The following NRAP variants were observed in gnomAD, a reference collection of about 807,000 sequenced individuals.
The protein encoded by NRAP is nebulin-related-anchoring protein.
In NRAP, 189 loss-of-function variants were observed where a neutral mutation model predicts 225.9. The observed-to-expected ratio is 0.84, with a 90% CI of 0.74 to 0.94. The LOEUF is 0.94. Ranked by LOEUF, NRAP falls within the 40% of genes least tolerant of loss-of-function variation. The pLI, the probability that NRAP is intolerant of heterozygous loss-of-function variation, is 0.00. For missense variants in NRAP, 2,176 were observed against 2,168.7 expected (o/e 1.00, Z -0.07); for synonymous variants, 769 against 790.7 (o/e 0.97, Z 0.46).
chr10:113,605,735 G>C, intron 34 of NRAP, 27 bp downstream of exon 34: 1 of 1,434,048 alleles, frequency 7.0e-7, no homozygotes, highest in Non-Finnish European at 9.8e-7. Context: ...AATTAGGCAA[G>C]ATGGAAGGTC....
chr10:113,591,397 T>C (rs1431266531), intron 39 of NRAP, among the ~76,000 whole-genome samples: 3 of 152,366 alleles, frequency 2.0e-5, no homozygotes, highest in Admixed American at 6.5e-5. Context: ...TATGGTCCTA[T>C]TGCATGTGGC....
intron 14 of NRAP, among the ~76,000 whole-genome samples, chr10:113,639,361 C>T (rs1849067650): frequency 6.6e-6 from 1 of 152,188 alleles, no homozygotes. Context: ...ACTGCCCCAA[C>T]TCTGAGCAAG....
intron 39 of NRAP, 103 bp downstream of exon 39, chr10:113,592,091 G>A (rs1370319638): frequency 8.6e-6 from 5 of 580,384 alleles, no homozygotes; most frequent in African/African-American, 1.9e-5. Flanking sequence ...GGTGCAGAGA[G>A]AGAGATAATC....
intron 11 of NRAP, among the ~76,000 whole-genome samples, chr10:113,645,202 G>A (rs1014845453): frequency 6.6e-6 from 1 of 152,186 alleles, no homozygotes; most frequent in African/African-American, 2.4e-5. Context: ...TTAAAAAGAT[G>A]GATCCTCCAG....
At chr10:113,625,978 G>A (rs1349676092) in intron 21 of NRAP, 69 bp downstream of exon 21, 7 of 1,076,170 alleles carry the variant, frequency 6.5e-6, no homozygotes, top group Non-Finnish European at 9.3e-6. Context: ...GGCACCTGCT[G>A]TTGTCCCTGG....
At chr10:113,640,204 A>G (rs778487099) in intron 14 of NRAP, 23 bp downstream of exon 14, 9 of 1,373,306 alleles carry the variant, frequency 6.6e-6, no homozygotes, top group Non-Finnish European at 9.2e-6. Context: ...CAAAGCAGAA[A>G]GAGCTGTTGG....
intron 26 of NRAP, among the ~76,000 whole-genome samples, chr10:113,617,180 C>T (rs1048342199): frequency 1.1e-4 from 17 of 152,226 alleles, no homozygotes; most frequent in East Asian, 3.9e-4. Flanking sequence ...AGCCTCACCA[C>T]GAATGAATCG....
At chr10:113,619,307 C>T (rs960619957) in intron 25 of NRAP, among the ~76,000 whole-genome samples, 6 of 152,170 alleles carry the variant, frequency 3.9e-5, no homozygotes, top group African/African-American at 1.4e-4. Flanking sequence ...CATGAATCCT[C>T]AAACCTAAAT....
rs113400260 is a variant in NRAP, at chr10:113,611,355, T to C, written c.3499-792A>G. Among the ~76,000 whole-genome samples, 1,265 of 152,306 alleles carry C rather than the reference T, an allele frequency of 8.3e-3. 10 individuals carry two copies. Among genetic ancestry groups the C allele is most frequent in the Non-Finnish European group, 0.013 (896 of 68,024 alleles). On this transcript the variant is annotated intron_variant, in intron 30 of 41. Transcript: ENST00000359988. ...TGAGTGCCGCTCAGATCGCAGGCAC[T>C]GCCAAACCAGGAAAGAGGTTTTGTG...
In NRAP at chr10:113,615,798, C is replaced by G; in HGVS notation, c.2992G>C (p.Gly998Arg). Residue 998 changes from glycine to arginine, a missense_variant, in exon 27 of 42, where the codon GGA becomes CGA. This residue lies in a region of NRAP where 1,708 missense variants were observed against 1,695.5 expected (regional missense o/e 1.01). Coordinates refer to ENST00000359988, the MANE Select transcript of NRAP (RefSeq NM_198060.4). ...QAVDRLYREQ[G>R]ENIKHHYTPT... ...GTGTAATGATGCTTTATGTTTTCTCCTTGTTCCCTGTATAATCTCTGTGGA... is the reference window on the plus strand; with the variant it reads ...GTGTAATGATGCTTTATGTTTTCTCGTTGTTCCCTGTATAATCTCTGTGGA... The G allele has an allele frequency of 6.2e-7, 1 of 1,601,224 alleles. No individual in the cohort carries two copies. Among genetic ancestry groups the G allele is most frequent in the Non-Finnish European group, 8.6e-7 (1 of 1,168,280 alleles).
Position 113,588,793 on chromosome 10 carries a change from G to A in NRAP, c.*182C>T. On this transcript the variant is annotated 3_prime_UTR_variant, in exon 42 of 42. Coordinates refer to ENST00000359988, the MANE Select transcript of NRAP (RefSeq NM_198060.4). ...CAACAGAATCAGCCATCCACGTCTA[G>A]GTATCAGAGAGGACCACAAATACAA... is the stretch of plus-strand genomic sequence containing the variant. The A allele has an allele frequency of 1.7e-6, 1 of 603,018 alleles. No individual in the cohort carries two copies. Among genetic ancestry groups the A allele is most frequent in the South Asian group, 2.1e-5 (1 of 48,186 alleles). 37.4% of individuals were successfully genotyped at this position (603,018 alleles called of 1,614,324 possible). A position where few individuals can be genotyped will look rare whatever the true frequency, so the allele number is the denominator to read the frequency against.
In NRAP at chr10:113,610,474, C is replaced by T. The variant is rs1564712095; in HGVS notation, c.3588G>A (p.Ser1196=). The change falls in exon 31 of 42, where the codon TCG becomes TCA. Residue 1196 remains serine (S), a synonymous_variant. Coordinates refer to ENST00000359988, the MANE Select transcript of NRAP (RefSeq NM_198060.4). ...TLEIEGRKKA[S]ELISESKYRQ... ...CTGTAGTTACCTCACTGATGAGTTC[C>T]GATGCTTTCTTCCTCCCTTCAATCT... is the stretch of plus-strand genomic sequence containing the variant. 5.8e-6 allele frequency: 9 copies of T among 1,559,846 alleles called. No homozygotes were observed. The highest frequency in any genetic ancestry group is 2.7e-5 in the African/African-American group (2 of 74,148).
rs565512034 is a variant in NRAP, at chr10:113,615,615, C to G, written c.3078+97G>C. 6.7e-6 allele frequency: 5 copies of G among 743,776 alleles called. No homozygotes were observed. In the African/African-American group the frequency reaches 8.6e-5, roughly 13 times the overall value. 46.1% of individuals were successfully genotyped at this position (743,776 alleles called of 1,614,324 possible). ...AGGTGGTGATGGCAGAACATGAAAC[C>G]AGCTCAGGGGCTTCTGAGCACAGGG... On this transcript the variant is annotated intron_variant, in intron 27 of 41. Transcript: ENST00000359988.
intron 12 of NRAP, among the ~76,000 whole-genome samples, 185 bp downstream of exon 12, chr10:113,642,749 C>A (rs184475002): frequency 6.6e-6 from 1 of 152,182 alleles, no homozygotes; most frequent in African/African-American, 2.4e-5. Context: ...GGGGATGTGA[C>A]AGAATTGAAC....
chr10:113,642,721 G>A (rs556939685), intron 12 of NRAP, among the ~76,000 whole-genome samples: 6 of 152,264 alleles, frequency 3.9e-5, no homozygotes, highest in Admixed American at 2.0e-4. Context: ...CCCGCCCAGA[G>A]GACTCAGGGT....
chr10:113,647,584 ACTTCCTCCCCT>A (rs1849617869), intron 9 of NRAP, among the ~76,000 whole-genome samples: 2 of 131,532 alleles, frequency 1.5e-5, no homozygotes, highest in African/African-American at 5.5e-5. Flanking sequence ...CCCTGGTGGT[ACTTCCTCCCCT>A]AGTGGTACTG....
At chr10:113,640,125 A>AC (rs1336567481) in intron 14 of NRAP, 102 bp downstream of exon 14, 1 of 675,754 alleles carries the variant, frequency 1.5e-6, no homozygotes, top group Non-Finnish European at 2.6e-6. Flanking sequence ...CCTCTTATGA[A>AC]CTGTTGTATC....
At chr10:113,663,486 C>G (rs747726780) in intron 1 of NRAP, 40 bp from the exon 2 acceptor site, 1 of 1,198,578 alleles carries the variant, frequency 8.3e-7, no homozygotes, top group Non-Finnish European at 1.2e-6. Context: ...TTACCCTTTT[C>G]CCCCCAGACT....
chr10:113,631,221 A>T lies in NRAP; in HGVS notation c.1842+288T>A, dbSNP rs79111577. Among the ~76,000 whole-genome samples the T allele has an allele frequency of 1.8e-4, 27 of 152,320 alleles. No individual in the cohort carries two copies. The East Asian group carries it at 4.4e-3, about 25-fold the overall frequency. ...TCTCGACCAGTGTCTTGCCCATAGT[A>T]GTCACTTGGCAAACATTTGTGACAT... On this transcript the variant is annotated intron_variant, in intron 18 of 41. Transcript: ENST00000359988.
Sources: gnomAD v4.1 joint callset for allele counts (sites outside exome capture counted in the v4.1 genomes callset) on GRCh38, gnomAD v4.1.1 for gene constraint, gnomAD v4.1.1 regional missense constraint, MANE v1.5 for transcripts, NCBI Gene and HGNC (gene_info 2026-07-23, HGNC 2026-07-21) for gene names.